The following KALRN variants were observed in gnomAD, a reference collection of about 807,000 sequenced individuals.
KALRN encodes the protein kalirin.
KALRN carries 70 observed loss-of-function variants against 353.7 expected under a neutral mutation model. The observed-to-expected ratio is 0.20, with a 90% confidence interval of 0.16 to 0.24. The LOEUF (loss-of-function observed/expected upper bound fraction) is 0.24. Among genes scored for constraint, KALRN ranks in the 10% least tolerant of loss-of-function variants. The pLI, the probability that KALRN is intolerant of heterozygous loss-of-function variation, is 1.00. For synonymous variants in KALRN, 1,391 were observed against 1,434.8 expected (o/e 0.97, Z 0.69); for missense variants, 2,791 against 3,756.7 (o/e 0.74, Z 6.72).
rs1227217399 is a variant in KALRN, at chr3:124,334,473, T to A, written c.1625T>A (p.Val542Asp). 6.2e-7 allele frequency: 1 copy of A among 1,613,674 alleles called. No individual in the cohort carries two copies. The highest frequency in any genetic ancestry group is 1.1e-5 in the South Asian group (1 of 91,068). ...CTCCACCAGCGGCTGCAGCTCTGCGTCTTCCAGCAGGATGTACAGCAGGTA... is the reference window on the plus strand; with the variant it reads ...CTCCACCAGCGGCTGCAGCTCTGCGACTTCCAGCAGGATGTACAGCAGGTA... Reference protein sequence around the residue: ...VRLHQRLQLCVFQQDVQQVLD... With the variant: ...VRLHQRLQLCDFQQDVQQVLD... Residue 542 changes from valine (V) to aspartate (D), a missense_variant, in exon 9 of 60, where the codon GTC (valine) becomes GAC (aspartate). Val to Asp is a radical substitution (Grantham distance 152, BLOSUM62 -3). This residue lies in a region of KALRN where 366 missense variants were observed against 489.2 expected (regional missense o/e 0.75). Transcript: ENST00000682506. This position sits in a 1 kb window ranked among gnomAD's most constrained non-coding sequence, Gnocchi z 4.2.
At chr3:124,058,194 A>G (rs1474414245) in intron 1 of KALRN, among the ~76,000 whole-genome samples, 1 of 152,190 alleles carries the variant, frequency 6.6e-6, no homozygotes, top group Non-Finnish European at 1.5e-5. Context: ...TGGGAGTTAC[A>G]ATTCAAGATG....
At chr3:124,114,858 A>G (rs2063321634) in intron 1 of KALRN, among the ~76,000 whole-genome samples, 1 of 152,202 alleles carries the variant, frequency 6.6e-6, no homozygotes, top group Non-Finnish European at 1.5e-5. Flanking sequence ...TAGGAAACTC[A>G]AGTCACAGAA....
intron 1 of KALRN, among the ~76,000 whole-genome samples, chr3:124,061,979 T>C (rs1231077759): frequency 1.3e-5 from 2 of 152,194 alleles, no homozygotes; most frequent in Non-Finnish European, 2.9e-5. Context: ...GGGTGGATGC[T>C]CACCTGGAAG....
At chr3:124,284,854 G>C (rs895362718) in intron 5 of KALRN, among the ~76,000 whole-genome samples, 2 of 152,202 alleles carry the variant, frequency 1.3e-5, no homozygotes, top group East Asian at 3.8e-4. Flanking sequence ...TGAGCTTCAA[G>C]ATTGATGAAT....
chr3:124,659,553 C>T, intron 43 of KALRN, 96 bp downstream of exon 43: 1 of 816,352 alleles, frequency 1.2e-6, no homozygotes, highest in Non-Finnish European at 2.1e-6. Context: ...TCTGTCTCCA[C>T]CACACTGTCC....
intron 33 of KALRN, among the ~76,000 whole-genome samples, chr3:124,560,482 A>G (rs1274740653): frequency 2.0e-5 from 3 of 152,228 alleles, no homozygotes; most frequent in Non-Finnish European, 2.9e-5. Context: ...TGTCAACAGC[A>G]ATAGAGAAAA....
chr3:124,696,061 C>T (rs2062036239), intron 53 of KALRN, 73 bp from the exon 54 acceptor site: 1 of 1,545,892 alleles, frequency 6.5e-7, no homozygotes, highest in Non-Finnish European at 8.9e-7. Context: ...CATGGGCCAA[C>T]CCTATGGGAT....
chr3:124,479,478 G>C (rs894588116), intron 27 of KALRN, among the ~76,000 whole-genome samples: 1 of 152,162 alleles, frequency 6.6e-6, no homozygotes, highest in Non-Finnish European at 1.5e-5. Context: ...GGAACCATCT[G>C]CTTTAGGCCC....
chr3:124,431,818 A>G (rs2093289654), intron 16 of KALRN, among the ~76,000 whole-genome samples: 1 of 152,210 alleles, frequency 6.6e-6, no homozygotes, highest in South Asian at 2.1e-4. Context: ...GCTAGTGTTG[A>G]TTGATTGCAA....
At position 124,619,150 on chromosome 3, in the gene KALRN, A is replaced by G. The variant is rs537047459; in HGVS notation, c.5183-13270A>G. On this transcript the variant is annotated intron_variant, in intron 34 of 59. Transcript: ENST00000682506. ...ACTTTTTTTTTTTTTTTAAGATTCC[A>G]CATATAAGGGAGATCATGCAATAGT... Among the ~76,000 whole-genome samples, 3 of 148,416 alleles carry G rather than the reference A, an allele frequency of 2.0e-5. No homozygotes were observed. The South Asian group carries it at 6.4e-4, about 32-fold the overall frequency.
intron 15 of KALRN, among the ~76,000 whole-genome samples, chr3:124,426,686 G>A (rs1431176847): frequency 6.6e-6 from 1 of 152,132 alleles, no homozygotes; most frequent in East Asian, 1.9e-4. Context: ...GACCTTGAAG[G>A]GAAACCACTC....
At chr3:124,108,040 AAG>A (rs973286700) in intron 1 of KALRN, among the ~76,000 whole-genome samples, 1 of 152,174 alleles carries the variant, frequency 6.6e-6, no homozygotes, top group African/African-American at 2.4e-5. Flanking sequence ...TGGAATATAT[AAG>A]ATAATGGGAG....
chr3:124,456,637 A>G lies in KALRN; in HGVS notation c.3763A>G (p.Ile1255Val). The G allele has an allele frequency of 6.2e-7, 1 of 1,612,846 alleles. No individual in the cohort carries two copies. The highest frequency in any genetic ancestry group is 2.2e-5 in the East Asian group (1 of 44,822). The part of the protein sequence containing the change: ...EDNKDLELDI[I>V]PASLSDREVK... ...TAATAAGGACCTGGAGCTGGATATT[A>G]TCCCAGCAAGCCTTTCGGATCGGGA... The change falls in exon 23 of 60, where the codon ATC becomes GTC. Residue 1255 changes from isoleucine to valine, a missense_variant. Ile to Val is a conservative substitution (Grantham distance 29). Around this residue, in one of 11 missense-constraint regions of KALRN, gnomAD observed 268 missense variants for 347.0 expected, o/e 0.77. Transcript: ENST00000682506.
chr3:124,429,653 C>G (rs2093183872), intron 15 of KALRN, among the ~76,000 whole-genome samples: 7 of 152,162 alleles, frequency 4.6e-5, no homozygotes, highest in Non-Finnish European at 1.5e-5. Flanking sequence ...ATTGCCACAT[C>G]CCCATTTCAC....
At chr3:124,380,388 C>G (rs2087182511) in intron 10 of KALRN, among the ~76,000 whole-genome samples, 2 of 152,274 alleles carry the variant, frequency 1.3e-5, no homozygotes, top group South Asian at 2.1e-4. Flanking sequence ...GGGCATCATA[C>G]CTGGTTGACA....
At chr3:124,339,094 T>C (rs2081416694) in intron 9 of KALRN, among the ~76,000 whole-genome samples, 1 of 152,182 alleles carries the variant, frequency 6.6e-6, no homozygotes, top group African/African-American at 2.4e-5. Context: ...CATTCTGAAG[T>C]TCAAAACTGT....
At chr3:124,237,119 G>A (rs1579832575) in intron 3 of KALRN, among the ~76,000 whole-genome samples, 1 of 152,332 alleles carries the variant, frequency 6.6e-6, no homozygotes, top group East Asian at 1.9e-4. Flanking sequence ...AGTGAAGTTT[G>A]GGGTAGGAAA....
intron 33 of KALRN, among the ~76,000 whole-genome samples, chr3:124,512,825 G>A (rs936961638): frequency 1.3e-5 from 2 of 151,984 alleles, no homozygotes; most frequent in African/African-American, 4.8e-5. Context: ...TAAATAATGG[G>A]TATTTCTGGG....
At chr3:124,144,234 G>A (rs1375518047) in intron 1 of KALRN, among the ~76,000 whole-genome samples, 1 of 152,098 alleles carries the variant, frequency 6.6e-6, no homozygotes, top group Non-Finnish European at 1.5e-5. Flanking sequence ...CTGGGAAGGG[G>A]CCACTGTTCA....
Sources: allele counts gnomAD v4.1 joint callset (sites outside exome capture counted in the v4.1 genomes callset), GRCh38; gene constraint gnomAD v4.1.1; regional missense constraint gnomAD v4.1.1; non-coding constraint Gnocchi (gnomAD v3.1); transcripts MANE v1.5; gene names NCBI Gene and HGNC (gene_info 2026-07-23, HGNC 2026-07-21).